Variants in GPR158 observed in about 807,000 individuals in gnomAD.
GPR158 encodes metabotropic glycine receptor.
Under a neutral mutation model 78.2 loss-of-function variants are expected in GPR158, and 30 were observed. That is an observed-to-expected ratio of 0.38 (90% confidence interval 0.29 to 0.52). The LOEUF is 0.52. GPR158 is among the 20% of genes least tolerant of loss of function. GPR158 has a pLI of 0.83. For missense variants in GPR158, 1,463 were observed against 1,523.5 expected, an observed-to-expected ratio of 0.96 and a Z score of 0.66; for synonymous variants, 581 against 591.1, an observed-to-expected ratio of 0.98 and a Z score of 0.25.
chr10:25,367,103 A>G (rs1216525804), intron 2 of GPR158, among the ~76,000 whole-genome samples: 1 of 151,586 alleles, frequency 6.6e-6, no homozygotes. Flanking sequence ...CTTCTTTGTT[A>G]TATGTTAGAA....
rs1467029123 is a variant in GPR158 at position 25,215,735 on chromosome 10, T to C, written c.903-5317T>C. On this transcript the variant is annotated intron_variant, in intron 1 of 10. Transcript: ENST00000376351. ...CTGTAGTCCCAGCTACTCAGGAGGCTGAGGCAGGAGAATCACTTCAGCTGG... is the reference window on the plus strand; with the variant it reads ...CTGTAGTCCCAGCTACTCAGGAGGCCGAGGCAGGAGAATCACTTCAGCTGG... Among the ~76,000 whole-genome samples, 3 of 152,154 alleles carry C rather than the reference T, an allele frequency of 2.0e-5. No individual in the cohort carries two copies. The East Asian group carries it at 5.8e-4, about 29-fold the overall frequency.
At chr10:25,581,966 G>T (rs550084593) in intron 7 of GPR158, among the ~76,000 whole-genome samples, 3 of 152,146 alleles carry the variant, frequency 2.0e-5, no homozygotes, top group East Asian at 3.9e-4. Context: ...AAGGTGAAAG[G>T]CACGTCTTAA....
chr10:25,325,698 A>G (rs1019963013), intron 2 of GPR158, among the ~76,000 whole-genome samples: 4 of 152,108 alleles, frequency 2.6e-5, no homozygotes, highest in African/African-American at 7.2e-5. Context: ...ACCATTTTTT[A>G]TAGTGGCTAT....
At chr10:25,558,786 A>C (rs1458902706) in intron 6 of GPR158, among the ~76,000 whole-genome samples, 1 of 152,148 alleles carries the variant, frequency 6.6e-6, no homozygotes, top group East Asian at 1.9e-4. Context: ...TATTTTCCAA[A>C]TATTAGGGGG....
At chr10:25,185,065 G>A (rs924168136) in intron 1 of GPR158, among the ~76,000 whole-genome samples, 3 of 152,200 alleles carry the variant, frequency 2.0e-5, no homozygotes, top group South Asian at 4.1e-4. Context: ...CACCCTGCCA[G>A]TGTGAAAACC....
chr10:25,597,166 G>A (rs151042549), intron 10 of GPR158, among the ~76,000 whole-genome samples: 4 of 152,238 alleles, frequency 2.6e-5, no homozygotes, highest in African/African-American at 9.6e-5. Context: ...AGAGAGGAGA[G>A]CCTGGATTAT....
chr10:25,217,898 C>T (rs1853241076), intron 1 of GPR158, among the ~76,000 whole-genome samples: 1 of 151,978 alleles, frequency 6.6e-6, no homozygotes. Flanking sequence ...TTTTGACCCT[C>T]ACTTTCCTGT....
Position 25,598,089 on chromosome 10 carries a change from T to C in GPR158, c.2463T>C (p.Tyr821=), listed in dbSNP as rs1837435582. 3.1e-6 allele frequency: 5 copies of C among 1,614,042 alleles called. No individual in the cohort carries two copies. The highest frequency in any genetic ancestry group is 4.2e-6 in the Non-Finnish European group (5 of 1,180,020). The change falls in exon 11 of 11, where the codon TAT becomes TAC. Residue 821 remains tyrosine, a synonymous_variant. Coordinates refer to ENST00000376351, the MANE Select transcript of GPR158 (RefSeq NM_020752.3). ...VFSLKKSHST[Y]DHVRDQTEES... The stretch of plus-strand genomic sequence containing the variant: ...CACTCAAGAAATCCCACAGCACTTA[T>C]GACCACGTGAGAGACCAAACGGAAG...
At chr10:25,211,086 T>C (rs1302388441) in intron 1 of GPR158, among the ~76,000 whole-genome samples, 1 of 151,608 alleles carries the variant, frequency 6.6e-6, no homozygotes, top group Non-Finnish European at 1.5e-5. Flanking sequence ...GAACTGGGAT[T>C]GTGCCACTGC....
chr10:25,226,184 A>C, intron 2 of GPR158, among the ~76,000 whole-genome samples: 1 of 152,214 alleles, frequency 6.6e-6, no homozygotes, highest in South Asian at 2.1e-4. Flanking sequence ...CACTAGCCAC[A>C]TGTTGCTTCT....
At position 25,598,409 on chromosome 10, in the gene GPR158, G is replaced by A. The variant is rs749413527; in HGVS notation, c.2783G>A (p.Arg928His). ...GKTQTAGVEE[R>H]TKSQKPLPKD... is the part of the protein sequence containing the mutation. The stretch of plus-strand genomic sequence containing the variant: ...ACCCAAACAGCAGGTGTGGAAGAAC[G>A]CACTAAATCCCAGAAACCTTTGCCA... Residue 928 changes from arginine to histidine, a missense_variant, in exon 11 of 11, where the codon CGC (arginine) becomes CAC (histidine). Transcript: ENST00000376351. The A allele has an allele frequency of 1.2e-5, 19 of 1,614,046 alleles. 1 individual carries two copies. The East Asian group carries it at 1.6e-4, about 13-fold the overall frequency.
intron 4 of GPR158, among the ~76,000 whole-genome samples, chr10:25,421,222 A>G (rs1834746509): frequency 6.6e-6 from 1 of 152,136 alleles, no homozygotes; most frequent in African/African-American, 2.4e-5. Context: ...CTTTTTATAA[A>G]TAGGTTTTAT....
At chr10:25,264,674 G>C (rs570441399) in intron 2 of GPR158, among the ~76,000 whole-genome samples, 1 of 152,200 alleles carries the variant, frequency 6.6e-6, no homozygotes, top group Non-Finnish European at 1.5e-5. Flanking sequence ...CAGAATAAAG[G>C]CCAAAGAAGA....
chr10:25,322,027 T>C (rs560991105), intron 2 of GPR158, among the ~76,000 whole-genome samples: 23 of 152,264 alleles, frequency 1.5e-4, no homozygotes, highest in Middle Eastern at 3.4e-3. Context: ...TTTAATAGAT[T>C]GTTCAAATTT....
intron 2 of GPR158, among the ~76,000 whole-genome samples, chr10:25,338,597 T>TTATTATATATAATACATATTATATA (rs1564426416): frequency 2.1e-5 from 3 of 144,130 alleles, no homozygotes; most frequent in Non-Finnish European, 4.5e-5. Context: ...ATTATATATA[T>TTATTATATATAATACATATTATATA]TATTATATAT....
At chr10:25,379,976 C>G (rs200279176) in intron 2 of GPR158, among the ~76,000 whole-genome samples, 1 of 146,594 alleles carries the variant, frequency 6.8e-6, no homozygotes, top group Non-Finnish European at 1.5e-5. Context: ...TTTTTTTTTT[C>G]TTTTTTCTTT....
intron 4 of GPR158, among the ~76,000 whole-genome samples, chr10:25,443,326 G>A (rs140245432): frequency 1.9e-3 from 295 of 151,962 alleles, no homozygotes; most frequent in Non-Finnish European, 3.5e-3. Flanking sequence ...AGGCCGAGGC[G>A]GACGGATCAC....
At chr10:25,548,633 G>C (rs1208159619) in intron 5 of GPR158, among the ~76,000 whole-genome samples, 1 of 152,122 alleles carries the variant, frequency 6.6e-6, no homozygotes, top group Non-Finnish European at 1.5e-5. Context: ...AACTAAGAAA[G>C]AGTAGACCCA....
At chr10:25,452,060 C>T (rs1186322341) in intron 4 of GPR158, among the ~76,000 whole-genome samples, 1 of 151,702 alleles carries the variant, frequency 6.6e-6, no homozygotes, top group Non-Finnish European at 1.5e-5. Context: ...TTTTTTGAGA[C>T]ATGACCTTGC....
Sources: gnomAD v4.1 joint callset for allele counts (sites outside exome capture counted in the v4.1 genomes callset) on GRCh38, gnomAD v4.1.1 for gene constraint, MANE v1.5 for transcripts, NCBI Gene and HGNC (gene_info 2026-07-23, HGNC 2026-07-21) for gene names.